The following AGMO variants were observed in gnomAD, a reference collection of about 807,000 sequenced individuals.
AGMO encodes the protein alkylglycerol monooxygenase.
AGMO carries 75 observed loss-of-function variants against 60.2 expected under a neutral mutation model. The observed-to-expected ratio is 1.25, with a 90% confidence interval of 1.03 to 1.51. AGMO has a LOEUF of 1.51. Ranked by LOEUF, AGMO falls within the 40% of genes most tolerant of loss-of-function variation. The probability of loss-of-function intolerance (pLI) is 0.00; values close to 1 mark genes in which losing one functional copy is unlikely to be tolerated. For synonymous variants in AGMO, 261 were observed against 177.1 expected, an observed-to-expected ratio of 1.47 and a Z score of -3.76; for missense variants, 763 against 525.5, an observed-to-expected ratio of 1.45 and a Z score of -4.42.
chr7:15,406,285 T>C lies in AGMO; in HGVS notation c.610-12106A>G, dbSNP rs189999606. Among the ~76,000 whole-genome samples, 1,031 of 146,848 alleles carry C rather than the reference T, an allele frequency of 7.0e-3. 8 individuals are homozygous for C. The highest frequency in any genetic ancestry group is 0.025 in the African/African-American group (976 of 39,342). ...CCATATAAGTATACATGTACACATA[T>C]GTGTGTATATATATGGAATATACAT... On this transcript the variant is annotated intron_variant, in intron 5 of 12. Transcript: ENST00000342526.
At chr7:15,254,857 A>G (rs1272598483) in intron 12 of AGMO, among the ~76,000 whole-genome samples, 1 of 152,150 alleles carries the variant, frequency 6.6e-6, no homozygotes, top group African/African-American at 2.4e-5. Flanking sequence ...ATAACAACAA[A>G]TTAGAAAACA....
At chr7:15,218,548 TA>T (rs56896486) in intron 12 of AGMO, among the ~76,000 whole-genome samples, 2,266 of 151,708 alleles carry the variant, frequency 0.015, 50 homozygotes, top group African/African-American at 0.052. Flanking sequence ...TCATTTCCTT[TA>T]AAAAAAATCT....
chr7:15,480,107 G>A lies in AGMO; in HGVS notation c.410-48999C>T, dbSNP rs189399831. ...TATAGCCTGAGAAGATGTTGAGCCT[G>A]AAATAAAAGGCATAGAAGAATCTGA... On this transcript the variant is annotated intron_variant, in intron 3 of 12. Transcript: ENST00000342526. 5.3e-4 allele frequency among the ~76,000 whole-genome samples: 81 copies of A among 151,962 alleles called. No individual in the cohort carries two copies. In the East Asian group the frequency reaches 0.015, roughly 27 times the overall value.
At chr7:15,223,252 C>T (rs920684106) in intron 12 of AGMO, among the ~76,000 whole-genome samples, 8 of 151,820 alleles carry the variant, frequency 5.3e-5, no homozygotes, top group Admixed American at 5.3e-4. Context: ...ATCATTATTG[C>T]TGTTCAATTT....
At chr7:15,368,143 A>G (rs1372341743) in intron 10 of AGMO, among the ~76,000 whole-genome samples, 1 of 152,048 alleles carries the variant, frequency 6.6e-6, no homozygotes, top group African/African-American at 2.4e-5. Flanking sequence ...ATGTTTAGGA[A>G]TAGGGGCACA....
intron 12 of AGMO, among the ~76,000 whole-genome samples, chr7:15,266,798 A>T (rs1783445709): frequency 6.6e-6 from 1 of 151,846 alleles, no homozygotes; most frequent in East Asian, 1.9e-4. Context: ...AAAAAAAATC[A>T]GGAAATTCCA....
intron 5 of AGMO, among the ~76,000 whole-genome samples, chr7:15,414,170 G>T (rs1780692257): frequency 6.6e-6 from 1 of 151,852 alleles, no homozygotes. Flanking sequence ...ACCACACCCA[G>T]CTAATTGCTT....
At chr7:15,355,051 A>C (rs1782469362) in intron 12 of AGMO, among the ~76,000 whole-genome samples, 1 of 152,126 alleles carries the variant, frequency 6.6e-6, no homozygotes, top group African/African-American at 2.4e-5. Flanking sequence ...ACTCACTAAC[A>C]TAGTACCATG....
chr7:15,510,460 G>A (rs1363624476), intron 3 of AGMO, among the ~76,000 whole-genome samples: 1 of 151,784 alleles, frequency 6.6e-6, no homozygotes, highest in Non-Finnish European at 1.5e-5. Context: ...TTACTGACAT[G>A]AGCAACTGCA....
chr7:15,128,323 G>T, the AGMO span, among the ~76,000 whole-genome samples: 3 of 152,130 alleles, frequency 2.0e-5, no homozygotes, highest in African/African-American at 7.2e-5. Context: ...TGAATTTAAT[G>T]AAATTGAACA....
At chr7:15,419,408 G>C (rs888537321) in intron 4 of AGMO, among the ~76,000 whole-genome samples, 1 of 151,892 alleles carries the variant, frequency 6.6e-6, no homozygotes, top group African/African-American at 2.4e-5. Context: ...TTAAATGAGA[G>C]ACTAAATAAC....
At chr7:15,435,474 T>A (rs773029643) in intron 3 of AGMO, among the ~76,000 whole-genome samples, 15 of 152,158 alleles carry the variant, frequency 9.9e-5, no homozygotes, top group Non-Finnish European at 1.8e-4. Context: ...ATTGCTGTAA[T>A]GGCTAATGAC....
At chr7:15,186,346 T>C in the AGMO span, among the ~76,000 whole-genome samples, 41 of 152,214 alleles carry the variant, frequency 2.7e-4, no homozygotes, top group African/African-American at 9.6e-4. Context: ...AGTTGCATAT[T>C]ACTTTCTAAT....
chr7:15,412,340 A>G (rs973165339), intron 5 of AGMO, among the ~76,000 whole-genome samples: 1 of 152,066 alleles, frequency 6.6e-6, no homozygotes, highest in Non-Finnish European at 1.5e-5. Context: ...TGTCAATTAC[A>G]TCACTGAATG....
chr7:15,329,661 T>C (rs1298392549), intron 12 of AGMO, among the ~76,000 whole-genome samples: 2 of 152,234 alleles, frequency 1.3e-5, no homozygotes, highest in Non-Finnish European at 2.9e-5. Flanking sequence ...ATGTTATTCT[T>C]GATATATCCT....
intron 3 of AGMO, among the ~76,000 whole-genome samples, chr7:15,456,994 A>G (rs1391902091): frequency 1.3e-5 from 2 of 152,162 alleles, no homozygotes; most frequent in African/African-American, 2.4e-5. Context: ...TCAATTAGCC[A>G]TATTTATTGG....
At chr7:15,297,379 A>G (rs1388370796) in intron 12 of AGMO, among the ~76,000 whole-genome samples, 1 of 152,220 alleles carries the variant, frequency 6.6e-6, no homozygotes, top group East Asian at 1.9e-4. Context: ...ATTATGGAAT[A>G]AAGTTTTAAA....
chr7:15,195,526 G>C (rs1036808141), downstream of AGMO, among the ~76,000 whole-genome samples: 2 of 152,190 alleles, frequency 1.3e-5, no homozygotes, highest in African/African-American at 4.8e-5. Context: ...AATGGGTTTT[G>C]TACTTGGCTG....
At chr7:15,446,501 C>A (rs10215515) in intron 3 of AGMO, among the ~76,000 whole-genome samples, 121,724 of 151,796 alleles carry the variant, frequency 0.8, 49,832 homozygotes, top group African/African-American at 0.88. Flanking sequence ...ATTAACTGTA[C>A]CCAAATTGCA....
Sources: gnomAD v4.1 joint callset for allele counts (sites outside exome capture counted in the v4.1 genomes callset) on GRCh38, gnomAD v4.1.1 for gene constraint, MANE v1.5 for transcripts, NCBI Gene and HGNC (gene_info 2026-07-23, HGNC 2026-07-21) for gene names.